The following NARS2 variants were observed in gnomAD, a reference collection of about 807,000 sequenced individuals.
The protein encoded by NARS2 is asparaginyl-tRNA synthetase.
Under a neutral mutation model 62.9 loss-of-function variants are expected in NARS2, and 60 were observed. The observed-to-expected ratio is 0.95, with a 90% CI of 0.77 to 1.18. NARS2 has a LOEUF of 1.18. NARS2 is among the 50% of genes most tolerant of loss of function. The probability of loss-of-function intolerance (pLI) is 0.00; values close to 1 mark genes in which losing one functional copy is unlikely to be tolerated. For synonymous variants in NARS2, 196 were observed against 200.0 expected (o/e 0.98, Z 0.17); for missense variants, 619 against 576.4 (o/e 1.07, Z -0.76).
chr11:78,450,100 C>T (rs547440164), intron 11 of NARS2, among the ~76,000 whole-genome samples: 3 of 152,292 alleles, frequency 2.0e-5, no homozygotes, highest in African/African-American at 4.8e-5. Flanking sequence ...ATTAATGGGA[C>T]GGGGAAGCAT....
chr11:78,452,687 G>C (rs1421464096), intron 11 of NARS2, among the ~76,000 whole-genome samples: 1 of 152,078 alleles, frequency 6.6e-6, no homozygotes, highest in Non-Finnish European at 1.5e-5. Context: ...GGGATGACAG[G>C]CATGAGTCAC....
At chr11:78,488,625 T>G (rs1296069990) in intron 7 of NARS2, among the ~76,000 whole-genome samples, 2 of 152,076 alleles carry the variant, frequency 1.3e-5, no homozygotes, top group Non-Finnish European at 2.9e-5. Flanking sequence ...TGGTGACGTG[T>G]TATAGCAGCA....
intron 6 of NARS2, among the ~76,000 whole-genome samples, chr11:78,495,693 A>G (rs1206820430): frequency 6.6e-6 from 1 of 152,186 alleles, no homozygotes; most frequent in Non-Finnish European, 1.5e-5. Context: ...ATAGAAAAAT[A>G]CTCAGATATA....
At chr11:78,555,226 A>G (rs958196733) in intron 5 of NARS2, 4 of 152,184 alleles carry the variant, frequency 2.6e-5, no homozygotes, top group African/African-American at 4.8e-5. Context: ...TTTTGGTATC[A>G]AGATGATGCT....
At chr11:78,501,298 T>C (rs1860275117) in intron 6 of NARS2, among the ~76,000 whole-genome samples, 1 of 152,252 alleles carries the variant, frequency 6.6e-6, no homozygotes, top group South Asian at 2.1e-4. Flanking sequence ...ATTCAATCTG[T>C]TGCACTATCA....
intron 2 of NARS2, among the ~76,000 whole-genome samples, chr11:78,570,749 T>A (rs192534451): frequency 1.5e-4 from 23 of 152,282 alleles, no homozygotes; most frequent in African/African-American, 5.5e-4. Context: ...AGGCAATAAT[T>A]TGTCATATTG....
chr11:78,473,059 G>A (rs753944422), intron 9 of NARS2, among the ~76,000 whole-genome samples: 2 of 152,158 alleles, frequency 1.3e-5, no homozygotes, highest in African/African-American at 4.8e-5. Context: ...TCAGTTACTC[G>A]GGAGGCTGAG....
At chr11:78,518,532 T>A (rs1590805905) in intron 6 of NARS2, among the ~76,000 whole-genome samples, 1 of 152,182 alleles carries the variant, frequency 6.6e-6, no homozygotes, top group African/African-American at 2.4e-5. Context: ...TCTTTTTTTT[T>A]TTTGACACGG....
At chr11:78,523,736 T>C (rs1311532543) in intron 6 of NARS2, among the ~76,000 whole-genome samples, 1 of 152,208 alleles carries the variant, frequency 6.6e-6, no homozygotes, top group Non-Finnish European at 1.5e-5. Flanking sequence ...TGTGATTCTA[T>C]CTATATACGA....
intron 5 of NARS2, among the ~76,000 whole-genome samples, 172 bp downstream of exon 5, chr11:78,559,367 A>G (rs1856480475): frequency 6.6e-6 from 1 of 151,622 alleles, no homozygotes; most frequent in African/African-American, 2.4e-5. Context: ...TGCTGGTACT[A>G]CAGGAAATGA....
intron 5 of NARS2, among the ~76,000 whole-genome samples, chr11:78,541,121 T>C (rs559672702): frequency 5.3e-5 from 8 of 152,278 alleles, no homozygotes; most frequent in African/African-American, 1.2e-4. Flanking sequence ...ACTAGTACTA[T>C]TGTACTCCAG....
intron 6 of NARS2, among the ~76,000 whole-genome samples, chr11:78,504,250 A>T (rs892803545): frequency 2.0e-5 from 3 of 152,188 alleles, no homozygotes; most frequent in African/African-American, 7.2e-5. Flanking sequence ...GTCCCTAAAG[A>T]ATGTTCCAGA....
At chr11:78,470,575 G>A (rs1858827405) in intron 9 of NARS2, among the ~76,000 whole-genome samples, 1 of 152,004 alleles carries the variant, frequency 6.6e-6, no homozygotes, top group East Asian at 1.9e-4. Flanking sequence ...TTCACTTTTT[G>A]TATTACATAA....
intron 5 of NARS2, among the ~76,000 whole-genome samples, chr11:78,538,489 G>C (rs1265864154): frequency 6.6e-6 from 1 of 152,114 alleles, no homozygotes; most frequent in African/African-American, 2.4e-5. Flanking sequence ...AAATGAGTTG[G>C]GTACTGGGGT....
chr11:78,504,120 C>G (rs1167612730), intron 6 of NARS2, among the ~76,000 whole-genome samples: 1 of 152,162 alleles, frequency 6.6e-6, no homozygotes, highest in Non-Finnish European at 1.5e-5. Flanking sequence ...CTACAGTAGT[C>G]CCTAAAATAC....
intron 6 of NARS2, among the ~76,000 whole-genome samples, chr11:78,518,951 AC>A (rs1455559898): frequency 3.3e-5 from 5 of 152,252 alleles, no homozygotes; most frequent in African/African-American, 1.2e-4. Context: ...AGGAATGACC[AC>A]ATATGGAAAA....
At chr11:78,439,989 T>C (rs1857526670) in intron 13 of NARS2, among the ~76,000 whole-genome samples, 1 of 152,120 alleles carries the variant, frequency 6.6e-6, no homozygotes, top group Non-Finnish European at 1.5e-5. Flanking sequence ...GCATTAGGGA[T>C]CACTTAGCTC....
In NARS2 at chr11:78,460,213, T is replaced by C. The variant is rs1858340319; in HGVS notation, c.1164+5663A>G. Among the ~76,000 whole-genome samples the C allele has an allele frequency of 2.6e-5, 4 of 151,626 alleles. No homozygotes were observed. In the South Asian group the frequency reaches 8.3e-4, roughly 32 times the overall value. On this transcript the variant is annotated intron_variant, in intron 11 of 13. Coordinates refer to ENST00000281038, the MANE Select transcript of NARS2 (RefSeq NM_024678.6). The stretch of plus-strand genomic sequence containing the variant: ...ACATAAAGGATTTTGGCTTTTATCC[T>C]AAGAGCAAAGGGAGGCCACTGAATG...
chr11:78,559,455 CACA>C, intron 5 of NARS2, 81 bp downstream of exon 5: 1 of 916,972 alleles, frequency 1.1e-6, no homozygotes, highest in Non-Finnish European at 1.8e-6. Flanking sequence ...GTCTTCTGTC[CACA>C]AAACTATTAT....
Sources: allele counts gnomAD v4.1 joint callset (sites outside exome capture counted in the v4.1 genomes callset), GRCh38; gene constraint gnomAD v4.1.1; transcripts MANE v1.5; gene names NCBI Gene and HGNC (gene_info 2026-07-23, HGNC 2026-07-21).